The following DRC4 variants were observed in gnomAD, a reference collection of about 807,000 sequenced individuals.
The protein encoded by DRC4 is GAS-11.
At chr16:90,042,419 T>TG in the DRC4 span, 1 of 1,555,082 alleles carries the variant, frequency 6.4e-7, no homozygotes, top group Admixed American at 1.7e-5. Flanking sequence ...CCGCTCCCGT[T>TG]GCCTCGGCCA....
the DRC4 span, among the ~76,000 whole-genome samples, chr16:90,024,771 A>T: frequency 6.6e-6 from 1 of 151,930 alleles, no homozygotes; most frequent in Non-Finnish European, 1.5e-5. Flanking sequence ...GCACCACTGC[A>T]CTCCAGCCTG....
chr16:90,031,030 A>AT, the DRC4 span: 1 of 622,698 alleles, frequency 1.6e-6, no homozygotes, highest in South Asian at 2.0e-5. Context: ...CTTTTGAGAA[A>AT]TTTTTTAGGC....
the DRC4 span, chr16:90,032,934 G>A: frequency 1.1e-5 from 17 of 1,610,046 alleles, no homozygotes; most frequent in Non-Finnish European, 1.4e-5. Context: ...GGTAGGTGTG[G>A]CGGGGGCACC....
At chr16:90,027,236 CCGG>C in the DRC4 span, among the ~76,000 whole-genome samples, 2 of 152,006 alleles carry the variant, frequency 1.3e-5, no homozygotes, top group Non-Finnish European at 2.9e-5. Flanking sequence ...CAGGCGCCCA[CCGG>C]CACGCCCGGC....
At chr16:90,037,984 C>A in the DRC4 span, 1 of 751,106 alleles carries the variant, frequency 1.3e-6, no homozygotes. Flanking sequence ...ACGGGGCTCT[C>A]CTTGTGGCCC....
At chr16:90,030,540 G>T in the DRC4 span, among the ~76,000 whole-genome samples, 32 of 144,754 alleles carry the variant, frequency 2.2e-4, no homozygotes, top group African/African-American at 7.1e-4. Context: ...TAGAGACAGG[G>T]TTTTGCCATG....
At chr16:90,035,641 CGAG>C in the DRC4 span, 2 of 1,614,126 alleles carry the variant, frequency 1.2e-6, no homozygotes, top group Non-Finnish European at 1.7e-6. Context: ...AGAAACACAC[CGAG>C]GAGATCACCA....
the DRC4 span, among the ~76,000 whole-genome samples, chr16:90,039,022 T>C: frequency 6.6e-6 from 1 of 152,252 alleles, no homozygotes; most frequent in African/African-American, 2.4e-5. Flanking sequence ...CCCATCTGTC[T>C]GTCAGATCTA....
At chr16:90,039,793 G>T in the DRC4 span, 15 of 179,798 alleles carry the variant, frequency 8.3e-5, no homozygotes, top group Non-Finnish European at 1.1e-4. Context: ...TTTACTGGCT[G>T]GCAGGTAGCT....
chr16:90,023,814 A>C, the DRC4 span, among the ~76,000 whole-genome samples: 1 of 150,576 alleles, frequency 6.6e-6, no homozygotes, highest in Non-Finnish European at 1.5e-5. Flanking sequence ...CAACATGGTG[A>C]AAATCCATAT....
the DRC4 span, chr16:90,040,266 G>A: frequency 1.6e-4 from 247 of 1,545,914 alleles, no homozygotes; most frequent in Non-Finnish European, 2.1e-4. Context: ...CAGGTGAGGG[G>A]CCTCATCGCC....
the DRC4 span, among the ~76,000 whole-genome samples, chr16:90,041,601 C>G: frequency 6.6e-6 from 1 of 152,122 alleles, no homozygotes; most frequent in Non-Finnish European, 1.5e-5. Context: ...TTTGGGAGTT[C>G]AAGACCAGCC....
the DRC4 span, among the ~76,000 whole-genome samples, chr16:90,035,369 C>T: frequency 2.0e-5 from 3 of 152,328 alleles, no homozygotes; most frequent in East Asian, 3.9e-4. Context: ...AAGCTACACA[C>T]GGCACCTGGA....
the DRC4 span, among the ~76,000 whole-genome samples, chr16:90,032,220 T>C: frequency 4.9e-5 from 7 of 142,086 alleles, no homozygotes; most frequent in Admixed American, 1.4e-4. Context: ...GTGCAGGTGA[T>C]CAGGTGTATA....
chr16:90,036,781 A>G, the DRC4 span: 2 of 703,296 alleles, frequency 2.8e-6, no homozygotes, highest in Non-Finnish European at 5.1e-6. Flanking sequence ...CTATTGTTAA[A>G]AGCAGTCAGG....
chr16:90,040,834 G>A, the DRC4 span, among the ~76,000 whole-genome samples: 130 of 151,978 alleles, frequency 8.6e-4, 2 homozygotes, highest in East Asian at 0.017. Context: ...GGGAGGGGCC[G>A]AGGTGACTTG....
the DRC4 span, among the ~76,000 whole-genome samples, chr16:90,028,508 A>G: frequency 6.6e-6 from 1 of 152,120 alleles, no homozygotes. Context: ...TGTTTTTGAT[A>G]AAAGTCCCAA....
chr16:90,043,076 C>A, the DRC4 span: 1 of 1,169,534 alleles, frequency 8.6e-7, no homozygotes, highest in Non-Finnish European at 1.2e-6. Context: ...GACTGATAAG[C>A]CTTTGGCTTT....
chr16:90,039,971 C>A, the DRC4 span: 2 of 372,462 alleles, frequency 5.4e-6, no homozygotes, highest in African/African-American at 2.1e-5. Context: ...AGCCCTCACT[C>A]GGGCAAGACT....
Sources: gnomAD v4.1 joint callset for allele counts (sites outside exome capture counted in the v4.1 genomes callset) on GRCh38, gnomAD v4.1.1 for gene constraint, MANE v1.5 for transcripts, NCBI Gene and HGNC (gene_info 2026-07-23, HGNC 2026-07-21) for gene names.